The following MARCHF3 variants were observed in gnomAD, a reference collection of about 807,000 sequenced individuals.
MARCHF3 encodes the protein membrane associated ring-CH-type finger 3, also known as E3 ubiquitin-protein ligase MARCHF3.
A neutral mutation model predicts 24.2 loss-of-function variants in MARCHF3; 13 were observed. That is an observed-to-expected ratio of 0.54 (90% CI 0.35 to 0.85). The LOEUF (loss-of-function observed/expected upper bound fraction) is 0.85, where lower values mean the gene tolerates loss of function less well. Ranked by LOEUF, MARCHF3 falls within the 40% of genes least tolerant of loss-of-function variation. MARCHF3 has a pLI of 0.01. For synonymous variants in MARCHF3, 144 were observed against 137.3 expected (o/e 1.05, Z -0.34); for missense variants, 276 against 325.0 (o/e 0.85, Z 1.16).
intron 3 of MARCHF3, among the ~76,000 whole-genome samples, chr5:126,885,063 G>T (rs575990538): frequency 6.6e-6 from 1 of 152,016 alleles, no homozygotes; most frequent in Admixed American, 6.5e-5. Context: ...CAGCTCAAAC[G>T]GCACCTTCTC....
chr5:126,880,193 C>T (rs1404601285), intron 3 of MARCHF3, among the ~76,000 whole-genome samples: 3 of 152,170 alleles, frequency 2.0e-5, no homozygotes, highest in South Asian at 2.1e-4. Flanking sequence ...AGGTAAAAGG[C>T]ACCAAAGAAA....
intron 1 of MARCHF3, among the ~76,000 whole-genome samples, chr5:126,956,083 T>C (rs1750430612): frequency 6.6e-6 from 1 of 152,202 alleles, no homozygotes; most frequent in East Asian, 1.9e-4. Flanking sequence ...CTATGCCAAA[T>C]TCCCACATAC....
intron 3 of MARCHF3, among the ~76,000 whole-genome samples, chr5:126,880,415 T>C (rs553167188): frequency 6.6e-6 from 1 of 152,252 alleles, no homozygotes; most frequent in Admixed American, 6.5e-5. Flanking sequence ...AATACCAAAA[T>C]AAGTGCAAAT....
At chr5:126,989,793 C>T (rs1199487269) in intron 1 of MARCHF3, among the ~76,000 whole-genome samples, 3 of 152,110 alleles carry the variant, frequency 2.0e-5, no homozygotes, top group East Asian at 3.9e-4. Flanking sequence ...CTCTGATCTT[C>T]AGTGTCTCTT....
intron 3 of MARCHF3, among the ~76,000 whole-genome samples, chr5:126,908,153 C>G (rs928201559): frequency 6.6e-6 from 1 of 152,108 alleles, no homozygotes; most frequent in Non-Finnish European, 1.5e-5. Flanking sequence ...TTGGCCCCCA[C>G]CCTCTTCTGG....
chr5:126,947,150 T>C (rs1339749880), intron 1 of MARCHF3, among the ~76,000 whole-genome samples: 1 of 152,198 alleles, frequency 6.6e-6, no homozygotes, highest in Admixed American at 6.5e-5. Context: ...CATGTTGATT[T>C]AGTTTCCTAG....
At chr5:126,934,358 T>C (rs1314921328) in intron 1 of MARCHF3, among the ~76,000 whole-genome samples, 1 of 152,140 alleles carries the variant, frequency 6.6e-6, no homozygotes, top group African/African-American at 2.4e-5. Context: ...ACCTCCTATT[T>C]AGAAATACAA....
At chr5:126,955,905 T>G (rs1750421855) in intron 1 of MARCHF3, among the ~76,000 whole-genome samples, 1 of 152,238 alleles carries the variant, frequency 6.6e-6, no homozygotes, top group South Asian at 2.1e-4. Context: ...CCTGCATTTC[T>G]TTCTAATAAT....
Position 126,940,811 on chromosome 5 carries a change from A to G in MARCHF3, c.-56-22584T>C, listed in dbSNP as rs186370191. On this transcript the variant is annotated intron_variant, in intron 1 of 4. Coordinates refer to ENST00000308660, the MANE Select transcript of MARCHF3 (RefSeq NM_178450.5). ...CTGTACTCCATAAATATATACAGCTATATATAAATATACAGCTATGTATAT... is the reference window on the plus strand; with the variant it reads ...CTGTACTCCATAAATATATACAGCTGTATATAAATATACAGCTATGTATAT... 7.3e-4 allele frequency among the ~76,000 whole-genome samples: 111 copies of G among 152,034 alleles called. 1 individual carries two copies. The East Asian group carries it at 0.02, about 27-fold the overall frequency.
At position 127,005,113 on chromosome 5, in the gene MARCHF3, G is replaced by A. The variant is rs372756032; in HGVS notation, c.-57+25237C>T. ...CAGTAACTAGACCAAAGCCTGGAAT[G>A]ACATACATGCTCAGAAAGTCTTTTT... On this transcript the variant is annotated intron_variant, in intron 1 of 4. Transcript: ENST00000308660. Among the ~76,000 whole-genome samples the A allele has an allele frequency of 1.5e-4, 23 of 150,312 alleles. 1 individual carries two copies. The South Asian group carries it at 4.6e-3, about 30-fold the overall frequency.
intron 1 of MARCHF3, among the ~76,000 whole-genome samples, chr5:127,004,226 G>C (rs1441767939): frequency 6.6e-6 from 1 of 152,114 alleles, no homozygotes; most frequent in Non-Finnish European, 1.5e-5. Flanking sequence ...AGCAATGAAT[G>C]ATCTGCTCCC....
chr5:126,961,037 T>C (rs1258673518), intron 1 of MARCHF3, among the ~76,000 whole-genome samples: 1 of 152,158 alleles, frequency 6.6e-6, no homozygotes, highest in East Asian at 1.9e-4. Context: ...TTATTTATAT[T>C]ATACAAATGC....
At chr5:126,969,967 A>T (rs1750944629) in intron 1 of MARCHF3, among the ~76,000 whole-genome samples, 1 of 152,202 alleles carries the variant, frequency 6.6e-6, no homozygotes, top group Non-Finnish European at 1.5e-5. Context: ...TGAATATGAT[A>T]ATAATCTACT....
intron 3 of MARCHF3, among the ~76,000 whole-genome samples, chr5:126,901,756 C>T (rs1467296210): frequency 6.6e-6 from 1 of 152,088 alleles, no homozygotes; most frequent in African/African-American, 2.4e-5. Flanking sequence ...CAATTTATGT[C>T]TCCCTTCAGC....
Position 126,918,109 on chromosome 5 carries a change from T to C in MARCHF3, c.63A>G (p.Ala21=), listed in dbSNP as rs878983218. ...EVLPDCTSSA[A]PVVKTVEDCG... ...AATCCTCCACCGTCTTCACCACGGGTGCAGCTGAGCTGGTGCAGTCTGGCA... is the reference window on the plus strand; with the variant it reads ...AATCCTCCACCGTCTTCACCACGGGCGCAGCTGAGCTGGTGCAGTCTGGCA... The change falls in exon 2 of 5, where the codon GCA becomes GCG. Residue 21 remains alanine (A), a synonymous_variant. Coordinates refer to ENST00000308660, the MANE Select transcript of MARCHF3 (RefSeq NM_178450.5). 6.2e-7 allele frequency: 1 copy of C among 1,614,028 alleles called. No individual in the cohort carries two copies. The highest frequency in any genetic ancestry group is 1.1e-5 in the South Asian group (1 of 91,082).
intron 1 of MARCHF3, among the ~76,000 whole-genome samples, chr5:126,919,166 T>C (rs1749014046): frequency 6.6e-6 from 1 of 152,230 alleles, no homozygotes; most frequent in Non-Finnish European, 1.5e-5. Flanking sequence ...GGTGCAGGCT[T>C]GGGTCATGAC....
rs765138411 is a variant in MARCHF3, at chr5:127,023,347, C to T, written c.-57+7003G>A. On this transcript the variant is annotated intron_variant, in intron 1 of 4. Coordinates refer to ENST00000308660, the MANE Select transcript of MARCHF3 (RefSeq NM_178450.5). ...ATCTGCTTATATAAGTGGACCTGTACAGTTCAAACCTGTACAGTTGTTCAA... is the reference window on the plus strand; with the variant it reads ...ATCTGCTTATATAAGTGGACCTGTATAGTTCAAACCTGTACAGTTGTTCAA... Among the ~76,000 whole-genome samples the T allele has an allele frequency of 2.4e-4, 37 of 152,148 alleles. 1 individual carries two copies. In the South Asian group the frequency reaches 4.4e-3, roughly 18 times the overall value.
At chr5:126,875,352 C>T (rs149912320) in intron 4 of MARCHF3, among the ~76,000 whole-genome samples, 140 of 152,314 alleles carry the variant, frequency 9.2e-4, no homozygotes, top group African/African-American at 3.2e-3. Flanking sequence ...GCGAGAAACT[C>T]CAAGGCACTC....
chr5:126,891,876 G>A (rs1443248024), intron 3 of MARCHF3, among the ~76,000 whole-genome samples: 1 of 139,798 alleles, frequency 7.2e-6, no homozygotes, highest in Non-Finnish European at 1.5e-5. Flanking sequence ...AAATTACCTT[G>A]GGCAGTATGG....
Sources: allele counts gnomAD v4.1 joint callset (sites outside exome capture counted in the v4.1 genomes callset), GRCh38; gene constraint gnomAD v4.1.1; transcripts MANE v1.5; gene names NCBI Gene and HGNC (gene_info 2026-07-23, HGNC 2026-07-21).